The following RAB12 variants were observed in gnomAD, a reference collection of about 807,000 sequenced individuals.
The protein encoded by RAB12 is RAB12, member RAS oncogene family.
Under a neutral mutation model 28.4 loss-of-function variants are expected in RAB12, and 11 were observed. The ratio of observed to expected loss-of-function variants is 0.39; its 90% confidence interval spans 0.24 to 0.64. The LOEUF is 0.64. Ranked by LOEUF, RAB12 falls within the 30% of genes least tolerant of loss-of-function variation. The probability of loss-of-function intolerance (pLI) is 0.50; values close to 1 mark genes in which losing one functional copy is unlikely to be tolerated. For missense variants in RAB12, 276 were observed against 351.1 expected (o/e 0.79, Z 1.71); for synonymous variants, 138 against 145.3 (o/e 0.95, Z 0.36).
At chr18:8,636,747 C>T (rs1053795608) in intron 5 of RAB12, among the ~76,000 whole-genome samples, 1 of 152,196 alleles carries the variant, frequency 6.6e-6, no homozygotes, top group African/African-American at 2.4e-5. Flanking sequence ...CGTGGTGCTG[C>T]GCTTGCATCC....
intron 3 of RAB12, among the ~76,000 whole-genome samples, chr18:8,634,710 G>A (rs1012922520): frequency 3.3e-5 from 5 of 152,172 alleles, no homozygotes; most frequent in Admixed American, 1.3e-4. Context: ...CCAGCCCTGC[G>A]GTGGGTGCTG....
chr18:8,629,156 C>G (rs201367925), intron 2 of RAB12, among the ~76,000 whole-genome samples: 44 of 152,090 alleles, frequency 2.9e-4, no homozygotes, highest in African/African-American at 9.6e-4. Context: ...CTAATTTAGA[C>G]AAGCCATAAC....
At chr18:8,611,691 G>A (rs1195609015) in intron 1 of RAB12, among the ~76,000 whole-genome samples, 1 of 152,186 alleles carries the variant, frequency 6.6e-6, no homozygotes, top group Non-Finnish European at 1.5e-5. Context: ...AGTTGCATAG[G>A]ATGTTTGGGA....
At chr18:8,618,218 A>G (rs1428200033) in intron 1 of RAB12, among the ~76,000 whole-genome samples, 1 of 151,748 alleles carries the variant, frequency 6.6e-6, no homozygotes, top group South Asian at 2.1e-4. Flanking sequence ...GGTGGGCTTT[A>G]TTTGCTGGGT....
chr18:8,633,932 G>A (rs571400196), intron 3 of RAB12, among the ~76,000 whole-genome samples: 1 of 152,296 alleles, frequency 6.6e-6, no homozygotes, highest in Admixed American at 6.5e-5. Context: ...GAGCAGTTGG[G>A]AGTGGGATGT....
intron 1 of RAB12, among the ~76,000 whole-genome samples, chr18:8,619,512 G>C (rs1018896017): frequency 3.3e-5 from 5 of 152,224 alleles, no homozygotes; most frequent in African/African-American, 1.2e-4. Context: ...GCAGAGCGCA[G>C]AGTCAGGCCT....
At chr18:8,632,634 G>C (rs923768039) in intron 2 of RAB12, among the ~76,000 whole-genome samples, 1 of 152,160 alleles carries the variant, frequency 6.6e-6, no homozygotes, top group Non-Finnish European at 1.5e-5. Context: ...GGCTTGGAGG[G>C]CATTCATTTT....
chr18:8,632,095 G>A lies in RAB12; in HGVS notation c.576-1094G>A, dbSNP rs557008927. ...TCAGGAGTTTGAGACCAGCCTGGCC[G>A]ACATGGTGAAACCCTGTCTCTACTA... On this transcript the variant is annotated intron_variant, in intron 2 of 5. Coordinates refer to ENST00000649141, the MANE Select transcript of RAB12 (RefSeq NM_001025300.3). Among the ~76,000 whole-genome samples the A allele has an allele frequency of 1.3e-4, 19 of 151,976 alleles. No individual in the cohort carries two copies. The South Asian group carries it at 3.7e-3, about 30-fold the overall frequency.
intron 1 of RAB12, among the ~76,000 whole-genome samples, chr18:8,619,925 G>A (rs28651321): frequency 0.13 from 19,169 of 151,900 alleles, 1,393 homozygotes; most frequent in Admixed American, 0.17. Context: ...TAGGAGGATC[G>A]CTTGAGTTTG....
intron 2 of RAB12, among the ~76,000 whole-genome samples, chr18:8,627,117 G>C (rs1264056485): frequency 6.6e-6 from 1 of 152,230 alleles, no homozygotes; most frequent in Non-Finnish European, 1.5e-5. Flanking sequence ...ATTGTAATTT[G>C]TATTACTGTT....
At chr18:8,626,735 A>G (rs919039660) in intron 2 of RAB12, among the ~76,000 whole-genome samples, 1 of 152,208 alleles carries the variant, frequency 6.6e-6, no homozygotes, top group Non-Finnish European at 1.5e-5. Flanking sequence ...TTTCTCTTGT[A>G]TATGAAAGCA....
chr18:8,637,922 G>A (rs2096019836), intron 5 of RAB12, among the ~76,000 whole-genome samples: 3 of 152,120 alleles, frequency 2.0e-5, no homozygotes, highest in Admixed American at 2.0e-4. Context: ...TTCACATTGA[G>A]TAGGCTGAGG....
At chr18:8,612,753 C>T (rs1305340079) in intron 1 of RAB12, among the ~76,000 whole-genome samples, 1 of 152,220 alleles carries the variant, frequency 6.6e-6, no homozygotes, top group Non-Finnish European at 1.5e-5. Flanking sequence ...TCACTGCAGC[C>T]TCGACCTGCC....
chr18:8,635,021 C>G (rs1598314382), intron 3 of RAB12, among the ~76,000 whole-genome samples: 1 of 152,158 alleles, frequency 6.6e-6, no homozygotes, highest in African/African-American at 2.4e-5. Context: ...AAGAAGAAAT[C>G]TGTACCTCTG....
rs1555615522 is a variant in RAB12 at position 8,609,699 on chromosome 18, G to GGCGGGCCGA, written c.266_274dup (p.Ala89_Arg91dup). On this transcript the variant is annotated inframe_insertion, in exon 1 of 6. Coordinates refer to ENST00000649141, the MANE Select transcript of RAB12 (RefSeq NM_001025300.3). Reference sequence around the variant, plus strand: ...AGCCGGGGGGCGGGCGGCGGCGGGCGGCGGGCCGAGCGGGAGCCGCATGCG... The same window carrying GGCGGGCCGA: ...AGCCGGGGGGCGGGCGGCGGCGGGCGGCGGGCCGAGCGGGCCGAGCGGGAGCCGCATGCG... The GGCGGGCCGA allele has an allele frequency of 2.0e-6, 2 of 989,376 alleles. No homozygotes were observed. The highest frequency in any genetic ancestry group is 2.4e-6 in the Non-Finnish European group (2 of 830,308). The allele number at this position is 989,376 out of a possible 1,614,324, so 61.3% of individuals were successfully genotyped here. A position where few individuals can be genotyped will look rare whatever the true frequency, so the allele number is the denominator to read the frequency against.
chr18:8,611,565 G>A (rs1200050541), intron 1 of RAB12, among the ~76,000 whole-genome samples: 4 of 152,160 alleles, frequency 2.6e-5, no homozygotes, highest in Admixed American at 2.6e-4. Context: ...TAGGGGACTT[G>A]GGAATGGATG....
Position 8,622,334 on chromosome 18 carries a change from G to T in RAB12, c.515-2604G>T, listed in dbSNP as rs183773988. ...TTGGGGAACCTGCCCCGTTAGTCAC[G>T]TAGGTTCTTTTCTATTTTCCCTAAG... On this transcript the variant is annotated intron_variant, in intron 1 of 5. Coordinates refer to ENST00000649141, the MANE Select transcript of RAB12 (RefSeq NM_001025300.3). Among the ~76,000 whole-genome samples, 27 of 152,304 alleles carry T rather than the reference G, an allele frequency of 1.8e-4. No homozygotes were observed. In the East Asian group the frequency reaches 5.2e-3, roughly 29 times the overall value.
At position 8,623,493 on chromosome 18, in the gene RAB12, A is replaced by C. The variant is rs115639535; in HGVS notation, c.515-1445A>C. Among the ~76,000 whole-genome samples the C allele has an allele frequency of 1.8e-3, 271 of 152,306 alleles. 2 individuals carry two copies. The highest frequency in any genetic ancestry group is 5.9e-3 in the African/African-American group (247 of 41,560). On this transcript the variant is annotated intron_variant, in intron 1 of 5. Transcript: ENST00000649141. Reference sequence around the variant, plus strand: ...ATATGAAGACAGTGTTTTGTCATTAAACTGTGCTGCTTTAAACCAGATAGC... The same window carrying C: ...ATATGAAGACAGTGTTTTGTCATTACACTGTGCTGCTTTAAACCAGATAGC...
chr18:8,630,927 C>T (rs1216100052), intron 2 of RAB12, among the ~76,000 whole-genome samples: 1 of 152,238 alleles, frequency 6.6e-6, no homozygotes, highest in Non-Finnish European at 1.5e-5. Context: ...TGCTCTCTGT[C>T]CCCTAGGCTG....
Sources: gnomAD v4.1 joint callset for allele counts (sites outside exome capture counted in the v4.1 genomes callset) on GRCh38, gnomAD v4.1.1 for gene constraint, MANE v1.5 for transcripts, NCBI Gene and HGNC (gene_info 2026-07-23, HGNC 2026-07-21) for gene names.